Variants in ZKSCAN8 observed in about 807,000 individuals in gnomAD.
ZKSCAN8 encodes zinc finger protein with KRAB and SCAN domains 8.
A neutral mutation model predicts 57.2 loss-of-function variants in ZKSCAN8; 27 were observed. That is an observed-to-expected ratio of 0.47 (90% CI 0.35 to 0.65). The LOEUF is 0.65. ZKSCAN8 is among the 30% of genes least tolerant of loss of function. The pLI is 0.01. For missense variants in ZKSCAN8, 597 were observed against 696.3 expected, an observed-to-expected ratio of 0.86 and a Z score of 1.60; for synonymous variants, 214 against 248.7, an observed-to-expected ratio of 0.86 and a Z score of 1.31.
rs1487491922 is a variant in ZKSCAN8 at position 28,158,933 on chromosome 6, G to A, written c.*4916G>A. 2.0e-5 allele frequency: 3 copies of A among 152,086 alleles called. No homozygotes were observed. Among genetic ancestry groups the A allele is most frequent in the African/African-American group, 7.2e-5 (3 of 41,392 alleles). 9.4% of individuals were successfully genotyped at this position (152,086 alleles called of 1,614,324 possible). A position where few individuals can be genotyped will look rare whatever the true frequency, so the allele number is the denominator to read the frequency against. On this transcript the variant is annotated 3_prime_UTR_variant, in exon 6 of 6. Coordinates refer to ENST00000330236, the MANE Select transcript of ZKSCAN8 (RefSeq NM_006298.4). ...ACACCCAGTAGATAATTCCTATGGA[G>A]CAGTGGTGTTCCAAATTCTCCATTA...
intron 5 of ZKSCAN8, 80 bp from the exon 6 acceptor site, chr6:28,152,976 T>G: frequency 6.5e-7 from 1 of 1,550,364 alleles, no homozygotes; most frequent in Non-Finnish European, 8.7e-7. Context: ...CCTTTTCCCC[T>G]ATCTTCAGTT....
At chr6:28,151,320 AAAG>A (rs1416786710) in intron 3 of ZKSCAN8, among the ~76,000 whole-genome samples, 15 of 152,196 alleles carry the variant, frequency 9.9e-5, no homozygotes, top group African/African-American at 3.6e-4. Flanking sequence ...TAATATTTCT[AAAG>A]AAGCATTAAA....
Position 28,144,595 on chromosome 6 carries a change from G to A in ZKSCAN8, c.-93+2566G>A, listed in dbSNP as rs1424625521. Reference sequence around the variant, plus strand: ...GTATCTTTGAAATACAAAGATAATGGTCACCTCTGTCAACAAACATTTGCA... The same window carrying A: ...GTATCTTTGAAATACAAAGATAATGATCACCTCTGTCAACAAACATTTGCA... On this transcript the variant is annotated intron_variant, in intron 1 of 5. Transcript: ENST00000330236. The surrounding 1 kb of genome is among the most constrained non-coding windows in gnomAD (Gnocchi z 4.5). 6.6e-6 allele frequency among the ~76,000 whole-genome samples: 1 copy of A among 152,062 alleles called. No individual in the cohort carries two copies. Among genetic ancestry groups the A allele is most frequent in the African/African-American group, 2.4e-5 (1 of 41,404 alleles).
intron 1 of ZKSCAN8, among the ~76,000 whole-genome samples, chr6:28,147,391 A>C (rs1765433479): frequency 6.6e-6 from 1 of 152,190 alleles, no homozygotes; most frequent in Admixed American, 6.5e-5. Flanking sequence ...AAACAATATC[A>C]AGTGCTAGTC....
At chr6:28,148,856 G>A (rs781320588) in intron 2 of ZKSCAN8, 32 bp downstream of exon 2, 1 of 1,579,102 alleles carries the variant, frequency 6.3e-7, no homozygotes, top group Admixed American at 1.8e-5. Context: ...TGCTATGACT[G>A]TGGGAGTCCT....
chr6:28,142,690 G>A (rs1561816279), intron 1 of ZKSCAN8, among the ~76,000 whole-genome samples: 1 of 152,182 alleles, frequency 6.6e-6, no homozygotes, highest in Non-Finnish European at 1.5e-5. Flanking sequence ...AGGCTACTTT[G>A]ACTGCCACCA....
At chr6:28,147,505 A>G (rs1765436031) in intron 1 of ZKSCAN8, among the ~76,000 whole-genome samples, 1 of 152,268 alleles carries the variant, frequency 6.6e-6, no homozygotes, top group Non-Finnish European at 1.5e-5. Flanking sequence ...AATGAAAACT[A>G]TATTCACACC....
chr6:28,149,394 A>T lies in ZKSCAN8; in HGVS notation c.418-89A>T, dbSNP rs1765516004. On this transcript the variant is annotated intron_variant, in intron 2 of 5. Coordinates refer to ENST00000330236, the MANE Select transcript of ZKSCAN8 (RefSeq NM_006298.4). ...CTGCTGCTTCCTTCCCCAAGCATAT[A>T]TCCCTGTAGATGTGTTCGTGGTCCT... 2.7e-6 allele frequency: 4 copies of T among 1,506,380 alleles called. No individual in the cohort carries two copies. The East Asian group carries it at 9.3e-5, about 35-fold the overall frequency. The allele number at this position is 1,506,380 out of a possible 1,614,324, so 93.3% of individuals were successfully genotyped here.
intron 1 of ZKSCAN8, among the ~76,000 whole-genome samples, chr6:28,142,536 T>C (rs535496427): frequency 6.6e-6 from 1 of 152,232 alleles, no homozygotes; most frequent in East Asian, 1.9e-4. Flanking sequence ...AAAGTTTTTT[T>C]TTTTTTTTAA....
chr6:28,147,027 TATGAC>T (rs1490484345), intron 1 of ZKSCAN8, among the ~76,000 whole-genome samples: 1 of 152,042 alleles, frequency 6.6e-6, no homozygotes, highest in Admixed American at 6.5e-5. Context: ...ATTTCTTAGA[TATGAC>T]ATCAAAAGCA....
Position 28,153,165 on chromosome 6 carries a change from G to C in ZKSCAN8, c.885G>C (p.Arg295Ser). The C allele has an allele frequency of 1.2e-6, 2 of 1,614,168 alleles. No homozygotes were observed. Among genetic ancestry groups the C allele is most frequent in the Admixed American group, 1.7e-5 (1 of 59,998 alleles). Residue 295 changes from arginine (R) to serine (S), a missense_variant, in exon 6 of 6, where the codon AGG (arginine) becomes AGC (serine). Arg to Ser is a moderately radical substitution (Grantham distance 110). Coordinates refer to ENST00000330236, the MANE Select transcript of ZKSCAN8 (RefSeq NM_006298.4). The part of the protein sequence containing the change: ...TAAKCNGDVI[R>S]GLEHEEARDL... ...CCAAATGCAACGGGGATGTTATCAGGGGTCTTGAGCATGAAGAAGCCCGAG... is the reference window on the plus strand; with the variant it reads ...CCAAATGCAACGGGGATGTTATCAGCGGTCTTGAGCATGAAGAAGCCCGAG...
Position 28,156,001 on chromosome 6 carries a change from C to A in ZKSCAN8, c.*1984C>A. ...TCTTTGTACTTGAAATTTTAAGAAACCAGAAACAAGTAAATCTGGTTGTAT... is the reference window on the plus strand; with the variant it reads ...TCTTTGTACTTGAAATTTTAAGAAAACAGAAACAAGTAAATCTGGTTGTAT... On this transcript the variant is annotated 3_prime_UTR_variant, in exon 6 of 6. Transcript: ENST00000330236. 1 of 396,140 alleles carries A rather than the reference C, an allele frequency of 2.5e-6. No homozygotes were observed. The highest frequency in any genetic ancestry group is 4.4e-6 in the Non-Finnish European group (1 of 224,800). The allele number at this position is 396,140 out of a possible 1,614,324, so 24.5% of individuals were successfully genotyped here.
chr6:28,142,804 TTAAATG>T (rs1385754240), intron 1 of ZKSCAN8, among the ~76,000 whole-genome samples: 1 of 152,228 alleles, frequency 6.6e-6, no homozygotes, highest in Non-Finnish European at 1.5e-5. Context: ...TTTCTGTTGT[TTAAATG>T]TAAAATGTGA....
At chr6:28,152,957 G>A (rs1413837103) in intron 5 of ZKSCAN8, 99 bp from the exon 6 acceptor site, 3 of 1,511,022 alleles carry the variant, frequency 2.0e-6, no homozygotes, top group African/African-American at 2.8e-5. Context: ...AGCTGTTCAT[G>A]TGTACTTTCC....
intron 1 of ZKSCAN8, among the ~76,000 whole-genome samples, chr6:28,146,805 A>G (rs1314676416): frequency 1.3e-5 from 2 of 152,234 alleles, no homozygotes; most frequent in Admixed American, 1.3e-4. Context: ...AGACCCTTAC[A>G]TATACATACA....
Position 28,144,824 on chromosome 6 carries a change from G to A in ZKSCAN8, c.-93+2795G>A, listed in dbSNP as rs1222447067. Reference sequence around the variant, plus strand: ...TGTAATCCCAGCACTTTGGGAGGCCGAGGCGGGCAGATCACGAGGTCAGGA... The same window carrying A: ...TGTAATCCCAGCACTTTGGGAGGCCAAGGCGGGCAGATCACGAGGTCAGGA... On this transcript the variant is annotated intron_variant, in intron 1 of 5. Coordinates refer to ENST00000330236, the MANE Select transcript of ZKSCAN8 (RefSeq NM_006298.4). The surrounding 1 kb of genome is among the most constrained non-coding windows in gnomAD (Gnocchi z 4.5). Among the ~76,000 whole-genome samples the A allele has an allele frequency of 2.0e-5, 3 of 152,232 alleles. No individual in the cohort carries two copies. Among genetic ancestry groups the A allele is most frequent in the Non-Finnish European group, 2.9e-5 (2 of 68,046 alleles).
In ZKSCAN8 at chr6:28,153,562, C is replaced by T; in HGVS notation, c.1282C>T (p.His428Tyr). 3 of 1,614,074 alleles carry T rather than the reference C, an allele frequency of 1.9e-6. No individual in the cohort carries two copies. Among genetic ancestry groups the T allele is most frequent in the Non-Finnish European group, 2.5e-6 (3 of 1,180,018 alleles). Residue 428 changes from histidine to tyrosine, a missense_variant, in exon 6 of 6, where the codon CAC (histidine) becomes TAC (tyrosine). Physicochemically the swap from His to Tyr is moderately conservative, Grantham distance 83. Coordinates refer to ENST00000330236, the MANE Select transcript of ZKSCAN8 (RefSeq NM_006298.4). ...SAGLILHQRI[H>Y]SGERPYECNE... ...GGGCCTTATTCTGCACCAGAGAATC[C>T]ACAGTGGAGAGAGACCCTATGAATG...
intron 3 of ZKSCAN8, 101 bp from the exon 4 acceptor site, chr6:28,151,744 T>A (rs575054154): frequency 1.0e-6 from 1 of 969,374 alleles, no homozygotes; most frequent in African/African-American, 1.6e-5. Context: ...TTGGCATACA[T>A]GTATATCTGC....
Position 28,156,547 on chromosome 6 carries a change from G to C in ZKSCAN8, c.*2530G>C, listed in dbSNP as rs1765789228. On this transcript the variant is annotated 3_prime_UTR_variant, in exon 6 of 6. Transcript: ENST00000330236. The stretch of plus-strand genomic sequence containing the variant: ...ATTAGCCAAATGGTATAAGACAATA[G>C]AAAAAGGCTGTGGATTCTTTGAGGA... 1 of 215,986 alleles carries C rather than the reference G, an allele frequency of 4.6e-6. No homozygotes were observed. The highest frequency in any genetic ancestry group is 9.0e-6 in the Non-Finnish European group (1 of 110,650). 13.4% of individuals were successfully genotyped at this position (215,986 alleles called of 1,614,324 possible).
Sources: gnomAD v4.1 joint callset for allele counts (sites outside exome capture counted in the v4.1 genomes callset) on GRCh38, gnomAD v4.1.1 for gene constraint, Gnocchi (gnomAD v3.1) non-coding constraint, MANE v1.5 for transcripts, NCBI Gene and HGNC (gene_info 2026-07-23, HGNC 2026-07-21) for gene names.